The following DLG5 variants were observed in gnomAD, a reference collection of about 807,000 sequenced individuals.
DLG5 encodes the protein discs large MAGUK scaffold protein 5, also known as disks large homolog 5.
A neutral mutation model predicts 189.8 loss-of-function variants in DLG5; 48 were observed. The ratio of observed to expected loss-of-function variants is 0.25; its 90% CI spans 0.20 to 0.32. The LOEUF (loss-of-function observed/expected upper bound fraction) is 0.32. Among genes scored for constraint, DLG5 ranks in the 10% least tolerant of loss-of-function variants. DLG5 has a pLI of 1.00. For missense variants in DLG5, 2,160 were observed against 2,544.7 expected, an observed-to-expected ratio of 0.85 and a Z score of 3.25; for synonymous variants, 1,016 against 1,054.1, an observed-to-expected ratio of 0.96 and a Z score of 0.70.
At chr10:77,836,551 G>A (rs537471656) in intron 7 of DLG5, among the ~76,000 whole-genome samples, 2 of 152,182 alleles carry the variant, frequency 1.3e-5, no homozygotes, top group Non-Finnish European at 1.5e-5. Context: ...GAAAGCTTCC[G>A]TTCCCTCTAA....
intron 16 of DLG5, 72 bp from the exon 17 acceptor site, chr10:77,819,537 C>A: frequency 6.5e-7 from 1 of 1,529,376 alleles, no homozygotes; most frequent in East Asian, 2.3e-5. Context: ...AAGCCTTTCC[C>A]CTGTATCCCA....
chr10:77,856,453 G>GACACAC lies in DLG5; in HGVS notation c.536+271_536+276dup, dbSNP rs58908767. ...GGCAGGTCTAGGAGACAGTGGTAGG[G>GACACAC]ACACACACACACACACACACACACA... On this transcript the variant is annotated intron_variant, in intron 3 of 31. Transcript: ENST00000372391. Among the ~76,000 whole-genome samples the GACACAC allele has an allele frequency of 4.8e-3, 720 of 149,952 alleles. 2 individuals are homozygous for GACACAC. The highest frequency in any genetic ancestry group is 7.5e-3 in the Admixed American group (113 of 15,060).
At chr10:77,935,573 G>GC in the DLG5 span, among the ~76,000 whole-genome samples, 28 of 152,170 alleles carry the variant, frequency 1.8e-4, no homozygotes, top group African/African-American at 6.5e-4. Flanking sequence ...GATCCTGGCG[G>GC]TCTGCTCTGA....
At chr10:77,869,940 C>A (rs1018652582) in intron 1 of DLG5, among the ~76,000 whole-genome samples, 2 of 152,114 alleles carry the variant, frequency 1.3e-5, no homozygotes, top group African/African-American at 4.8e-5. Flanking sequence ...CTTTTGTTTT[C>A]TGGAACTCTG....
rs760870816 is a variant in DLG5 at position 77,811,205 on chromosome 10, G to C, written c.4352C>G (p.Ser1451Cys). ...GGTGGTGCCACTGCCCTGGAGAGTG[G>C]AGTGGGTACCGGCAGGGTCCAGGTG... ...SSHLDPAGTH[S>C]TLQGSGTTTP... Residue 1451 changes from serine to cysteine, a missense_variant, in exon 23 of 32, where the codon TCC (serine) becomes TGC (cysteine). Ser to Cys is a moderately radical substitution (Grantham distance 112, BLOSUM62 -1). This residue lies in a region of DLG5 where 574 missense variants were observed against 644.2 expected (regional missense o/e 0.89). Transcript: ENST00000372391. 17 of 1,613,272 alleles carry C rather than the reference G, an allele frequency of 1.1e-5. No homozygotes were observed. Among genetic ancestry groups the C allele is most frequent in the South Asian group, 8.8e-5 (8 of 91,036 alleles).
At chr10:77,900,489 C>T (rs1181890164) in intron 1 of DLG5, among the ~76,000 whole-genome samples, 1 of 152,174 alleles carries the variant, frequency 6.6e-6, no homozygotes, top group Admixed American at 6.5e-5. Context: ...CCCGGGGCCC[C>T]CTTCCATAAG....
chr10:77,908,994 C>T (rs978108160), intron 1 of DLG5, among the ~76,000 whole-genome samples: 2 of 152,200 alleles, frequency 1.3e-5, no homozygotes, highest in Admixed American at 1.3e-4. Flanking sequence ...TGAAACACAA[C>T]AGCAGGATAT....
intron 27 of DLG5, among the ~76,000 whole-genome samples, chr10:77,797,847 A>G (rs999505371): frequency 2.0e-5 from 3 of 152,134 alleles, no homozygotes; most frequent in African/African-American, 7.2e-5. Flanking sequence ...GGGAGTAAGT[A>G]AAGTCTCTCC....
At chr10:77,877,866 TC>T (rs1766686065) in intron 1 of DLG5, among the ~76,000 whole-genome samples, 1 of 121,418 alleles carries the variant, frequency 8.2e-6, no homozygotes, top group Admixed American at 9.6e-5. Flanking sequence ...GAGCAGCGCC[TC>T]TGCCCCGCCA....
At chr10:77,849,749 G>A (rs1475916869) in intron 5 of DLG5, among the ~76,000 whole-genome samples, 1 of 152,254 alleles carries the variant, frequency 6.6e-6, no homozygotes, top group Non-Finnish European at 1.5e-5. Context: ...GACAGGGGTG[G>A]GAGGGAGACC....
intron 1 of DLG5, among the ~76,000 whole-genome samples, chr10:77,872,116 CCA>C (rs1242695051): frequency 6.6e-6 from 1 of 152,126 alleles, no homozygotes; most frequent in African/African-American, 2.4e-5. Context: ...ATAAATTTCC[CCA>C]CTCTCACCTC....
intron 1 of DLG5, among the ~76,000 whole-genome samples, chr10:77,894,543 C>CTTTTT (rs35379334): frequency 6.5e-4 from 62 of 95,890 alleles, no homozygotes; most frequent in African/African-American, 8.7e-4. Flanking sequence ...AAGAATAAAG[C>CTTTTT]TTTTTTTTTT....
chr10:77,936,703 A>C, the DLG5 span, among the ~76,000 whole-genome samples: 6 of 152,236 alleles, frequency 3.9e-5, no homozygotes, highest in Non-Finnish European at 8.8e-5. Flanking sequence ...ATGAAGAGCT[A>C]AGAAGTTGCT....
chr10:77,897,644 T>G (rs1415747139), intron 1 of DLG5, among the ~76,000 whole-genome samples: 1 of 128,462 alleles, frequency 7.8e-6, no homozygotes, highest in East Asian at 2.2e-4. Context: ...GGCAACATAG[T>G]GAGACCCTAT....
chr10:77,806,373 T>TA (rs1467746617), intron 26 of DLG5, among the ~76,000 whole-genome samples: 1 of 152,152 alleles, frequency 6.6e-6, no homozygotes, highest in Non-Finnish European at 1.5e-5. Context: ...GGCTGACAGC[T>TA]AATGGGTCTG....
intron 29 of DLG5, among the ~76,000 whole-genome samples, 188 bp from the exon 30 acceptor site, chr10:77,795,146 G>A (rs1220224202): frequency 1.3e-5 from 2 of 152,204 alleles, no homozygotes; most frequent in Admixed American, 1.3e-4. Flanking sequence ...CTGTGAGGAA[G>A]GCCAAGGCTG....
chr10:77,831,639 G>T (rs1174669761), intron 9 of DLG5, among the ~76,000 whole-genome samples: 1 of 152,130 alleles, frequency 6.6e-6, no homozygotes, highest in African/African-American at 2.4e-5. Context: ...ACAGAATAAG[G>T]AACCTAGGAA....
chr10:77,925,533 C>A (rs768837684), intron 1 of DLG5, among the ~76,000 whole-genome samples: 13 of 152,202 alleles, frequency 8.5e-5, no homozygotes, highest in Non-Finnish European at 1.8e-4. Flanking sequence ...CTCAAGGGAA[C>A]CAGTCACCAG....
chr10:77,902,987 G>A (rs751244872), intron 1 of DLG5, among the ~76,000 whole-genome samples: 106 of 152,178 alleles, frequency 7.0e-4, no homozygotes, highest in Non-Finnish European at 1.1e-3. Flanking sequence ...ACGAGCCATT[G>A]AGCATCCCTC....
Sources: gnomAD v4.1 joint callset for allele counts (sites outside exome capture counted in the v4.1 genomes callset) on GRCh38, gnomAD v4.1.1 for gene constraint, gnomAD v4.1.1 regional missense constraint, MANE v1.5 for transcripts, NCBI Gene and HGNC (gene_info 2026-07-23, HGNC 2026-07-21) for gene names.